Variants in CDKAL1 observed in about 807,000 individuals in gnomAD.
CDKAL1 encodes threonylcarbamoyladenosine tRNA methylthiotransferase.
In CDKAL1, 32 loss-of-function variants were observed where a neutral mutation model predicts 68.2. That is an observed-to-expected ratio of 0.47 (90% confidence interval 0.35 to 0.63). The LOEUF (loss-of-function observed/expected upper bound fraction) is 0.63. Among genes scored for constraint, CDKAL1 ranks in the 30% least tolerant of loss-of-function variants. CDKAL1 has a pLI of 0.00. For synonymous variants in CDKAL1, 234 were observed against 244.3 expected (o/e 0.96, Z 0.39); for missense variants, 606 against 696.7 (o/e 0.87, Z 1.47).
At chr6:21,023,481 G>A (rs950068008) in intron 11 of CDKAL1, among the ~76,000 whole-genome samples, 6 of 152,094 alleles carry the variant, frequency 3.9e-5, no homozygotes, top group Non-Finnish European at 8.8e-5. Context: ...TTAGTTTTTG[G>A]TATGGAAAGC....
intron 4 of CDKAL1, among the ~76,000 whole-genome samples, chr6:20,575,804 C>A (rs1174803729): frequency 6.6e-6 from 1 of 152,082 alleles, no homozygotes; most frequent in African/African-American, 2.4e-5. Flanking sequence ...CAGAAATCAT[C>A]CTTTTCCTGT....
In CDKAL1 at chr6:20,539,296, G is replaced by T. The variant is rs904802731; in HGVS notation, c.-6+3902G>T. 2.6e-5 allele frequency among the ~76,000 whole-genome samples: 4 copies of T among 152,152 alleles called. No homozygotes were observed. The highest frequency in any genetic ancestry group is 5.9e-5 in the Non-Finnish European group (4 of 68,024). On this transcript the variant is annotated intron_variant, in intron 2 of 15. Coordinates refer to ENST00000274695, the MANE Select transcript of CDKAL1 (RefSeq NM_017774.3). This position sits in a 1 kb window ranked among gnomAD's most constrained non-coding sequence, Gnocchi z 4.3. ...AGTCTGCAGTAAAAGTATTTATTGA[G>T]AACCTGCAATGTGCTAGACATAGTT... is the stretch of plus-strand genomic sequence containing the variant.
chr6:20,888,092 G>C (rs1411516815), intron 9 of CDKAL1, among the ~76,000 whole-genome samples: 2 of 150,132 alleles, frequency 1.3e-5, no homozygotes, highest in African/African-American at 2.5e-5. Context: ...TGTCATTTAC[G>C]TTAGGTATTT....
intron 13 of CDKAL1, among the ~76,000 whole-genome samples, chr6:21,155,594 G>C (rs536903353): frequency 2.0e-5 from 3 of 152,300 alleles, no homozygotes; most frequent in African/African-American, 7.2e-5. Flanking sequence ...CAGGCACCGT[G>C]TCTCCTTGCT....
In CDKAL1 at chr6:20,633,518, A is replaced by G. The variant is rs560052274; in HGVS notation, c.287-15775A>G. Among the ~76,000 whole-genome samples the G allele has an allele frequency of 4.6e-5, 7 of 152,272 alleles. No individual in the cohort carries two copies. The South Asian group carries it at 1.0e-3, about 23-fold the overall frequency. ...ACATTGATGTACAAGTTTTTATGTG[A>G]ACACGTTTTCATTTTTCTGGGGTAT... is the stretch of plus-strand genomic sequence containing the variant. On this transcript the variant is annotated intron_variant, in intron 4 of 15. Transcript: ENST00000274695.
chr6:20,731,841 G>A (rs1185343376), intron 5 of CDKAL1, among the ~76,000 whole-genome samples: 4 of 152,120 alleles, frequency 2.6e-5, no homozygotes, highest in African/African-American at 9.7e-5. Flanking sequence ...GAACTCATAA[G>A]TAACCAGTCT....
At chr6:20,980,526 C>T (rs930747983) in intron 10 of CDKAL1, among the ~76,000 whole-genome samples, 3 of 152,194 alleles carry the variant, frequency 2.0e-5, no homozygotes, top group East Asian at 1.9e-4. Flanking sequence ...CTTGAGCCAC[C>T]GTCCTCCAAA....
chr6:20,543,480 T>C (rs892812492), intron 2 of CDKAL1, among the ~76,000 whole-genome samples: 1 of 152,226 alleles, frequency 6.6e-6, no homozygotes, highest in Non-Finnish European at 1.5e-5. Flanking sequence ...GTTTTGACAC[T>C]AGTTCTTTGT....
rs567057071 is a variant in CDKAL1, at chr6:20,643,511, C to T, written c.287-5782C>T. Among the ~76,000 whole-genome samples, 5 of 152,256 alleles carry T rather than the reference C, an allele frequency of 3.3e-5. No homozygotes were observed. In the East Asian group the frequency reaches 7.7e-4, roughly 23 times the overall value. ...AGTTTTTGCAGAGTTGATGGTGTTTCTCGTAGTTGATGGCATCTTAGAAGC... is the reference window on the plus strand; with the variant it reads ...AGTTTTTGCAGAGTTGATGGTGTTTTTCGTAGTTGATGGCATCTTAGAAGC... On this transcript the variant is annotated intron_variant, in intron 4 of 15. Transcript: ENST00000274695.
At position 21,014,183 on chromosome 6, in the gene CDKAL1, G is replaced by A. The variant is rs79349656; in HGVS notation, c.1055+13811G>A. Reference sequence around the variant, plus strand: ...AGAACATAACTTTCCCTAGCTGCACGGAAAACTAGAAAATAACACATTTCT... The same window carrying A: ...AGAACATAACTTTCCCTAGCTGCACAGAAAACTAGAAAATAACACATTTCT... On this transcript the variant is annotated intron_variant, in intron 11 of 15. Coordinates refer to ENST00000274695, the MANE Select transcript of CDKAL1 (RefSeq NM_017774.3). Among the ~76,000 whole-genome samples the A allele has an allele frequency of 3.9e-3, 591 of 152,258 alleles. 9 individuals carry two copies. The highest frequency in any genetic ancestry group is 0.013 in the African/African-American group (543 of 41,542).
chr6:20,561,120 G>A (rs2127668781), intron 4 of CDKAL1, among the ~76,000 whole-genome samples: 1 of 152,052 alleles, frequency 6.6e-6, no homozygotes, highest in South Asian at 2.1e-4. Context: ...CCTTTGACAT[G>A]TCAGAGACAC....
At chr6:20,819,909 G>A (rs2150439190) in intron 8 of CDKAL1, among the ~76,000 whole-genome samples, 1 of 152,240 alleles carries the variant, frequency 6.6e-6, no homozygotes, top group East Asian at 1.9e-4. Context: ...GCTTCACAGA[G>A]CAGTGCCAAC....
chr6:20,542,997 G>A (rs1160129250), intron 2 of CDKAL1, among the ~76,000 whole-genome samples: 1 of 152,178 alleles, frequency 6.6e-6, no homozygotes, highest in Non-Finnish European at 1.5e-5. Context: ...TATGTCATTA[G>A]TACATTTCTT....
intron 4 of CDKAL1, among the ~76,000 whole-genome samples, chr6:20,614,301 A>T (rs1301740772): frequency 6.6e-6 from 1 of 152,102 alleles, no homozygotes; most frequent in Non-Finnish European, 1.5e-5. Flanking sequence ...CAAGGTGATG[A>T]TGGTAATTCT....
At chr6:20,548,564 C>CTT (rs762740830) in intron 3 of CDKAL1, 29 bp from the exon 4 acceptor site, 602 of 803,544 alleles carry the variant, frequency 7.5e-4, no homozygotes, top group Admixed American at 1.1e-3. Context: ...ATGAAACTTA[C>CTT]TTTTTTTTTT....
chr6:21,195,581 A>G (rs1378628306), intron 13 of CDKAL1, among the ~76,000 whole-genome samples: 4 of 149,862 alleles, frequency 2.7e-5, no homozygotes, highest in African/African-American at 9.9e-5. Flanking sequence ...AATGATCACA[A>G]CTCACTGCAC....
chr6:21,095,425 TGAAA>T (rs1773266498), intron 12 of CDKAL1, among the ~76,000 whole-genome samples: 1 of 152,236 alleles, frequency 6.6e-6, no homozygotes, highest in African/African-American at 2.4e-5. Flanking sequence ...GGTTGATTTC[TGAAA>T]GAGTGATTAT....
intron 11 of CDKAL1, among the ~76,000 whole-genome samples, chr6:21,051,420 G>T (rs1165799421): frequency 6.6e-6 from 1 of 152,146 alleles, no homozygotes; most frequent in Non-Finnish European, 1.5e-5. Flanking sequence ...CTTATGATCA[G>T]CCAGTGCTTA....
chr6:21,094,411 A>G (rs1773216073), intron 12 of CDKAL1, among the ~76,000 whole-genome samples: 2 of 152,332 alleles, frequency 1.3e-5, no homozygotes, highest in African/African-American at 4.8e-5. Flanking sequence ...ATACATGGAT[A>G]ACTGATTTTG....
Sources: allele counts gnomAD v4.1 joint callset (sites outside exome capture counted in the v4.1 genomes callset), GRCh38; gene constraint gnomAD v4.1.1; non-coding constraint Gnocchi (gnomAD v3.1); transcripts MANE v1.5; gene names NCBI Gene and HGNC (gene_info 2026-07-23, HGNC 2026-07-21).